RAB23: variants seen among roughly 807,000 people sequenced by gnomAD.
RAB23 encodes RAB23, member RAS oncogene family.
In RAB23, 15 loss-of-function variants were observed where a neutral mutation model predicts 30.0. That is an observed-to-expected ratio of 0.50 (90% confidence interval 0.33 to 0.77). The LOEUF (loss-of-function observed/expected upper bound fraction) is 0.77. Among genes scored for constraint, RAB23 ranks in the 30% least tolerant of loss-of-function variants. The pLI is 0.02. For missense variants in RAB23, 243 were observed against 275.4 expected (o/e 0.88, Z 0.83); for synonymous variants, 93 against 94.0 (o/e 0.99, Z 0.06).
Position 57,199,861 on chromosome 6 carries a change from C to A in RAB23, c.242-3255G>T, listed in dbSNP as rs16888387. ...TATAATAATTCTGACAAATGTTGGA[C>A]AACCACTTGTTTCCATTTCCCCTAA... is the stretch of plus-strand genomic sequence containing the variant. On this transcript the variant is annotated intron_variant, in intron 3 of 6. Transcript: ENST00000468148. Among the ~76,000 whole-genome samples, 866 of 152,294 alleles carry A rather than the reference C, an allele frequency of 5.7e-3. 19 individuals carry two copies. The East Asian group carries it at 0.071, about 12-fold the overall frequency.
At chr6:57,219,963 ACT>A (rs1165793301) in intron 1 of RAB23, among the ~76,000 whole-genome samples, 1 of 152,240 alleles carries the variant, frequency 6.6e-6, no homozygotes, top group Non-Finnish European at 1.5e-5. Context: ...TCTGAAAGAC[ACT>A]GTTAGAATGA....
intron 1 of RAB23, among the ~76,000 whole-genome samples, chr6:57,213,517 T>C (rs1765731454): frequency 6.6e-6 from 1 of 152,186 alleles, no homozygotes; most frequent in Non-Finnish European, 1.5e-5. Flanking sequence ...CCAAGAAGAC[T>C]GTTATGTTCA....
intron 1 of RAB23, among the ~76,000 whole-genome samples, chr6:57,217,284 A>ACACCCCTT (rs1254379819): frequency 2.6e-5 from 4 of 151,844 alleles, no homozygotes; most frequent in Non-Finnish European, 5.9e-5. Context: ...CAGCTAAATT[A>ACACCCCTT]GTGCTGAAAT....
chr6:57,208,822 A>C (rs186330437), intron 2 of RAB23, among the ~76,000 whole-genome samples: 1 of 152,256 alleles, frequency 6.6e-6, no homozygotes, highest in East Asian at 1.9e-4. Context: ...TAGGTTTTTG[A>C]GAACCCCTGG....
intron 3 of RAB23, among the ~76,000 whole-genome samples, chr6:57,205,220 G>A (rs2128001717): frequency 6.6e-6 from 1 of 151,314 alleles, no homozygotes; most frequent in Middle Eastern, 3.4e-3. Context: ...TTAAGTGTGT[G>A]TATATATGTG....
chr6:57,188,837 C>G lies in RAB23; in HGVS notation c.*1624G>C, dbSNP rs1035030656. On this transcript the variant is annotated 3_prime_UTR_variant, in exon 7 of 7. Coordinates refer to ENST00000468148, the MANE Select transcript of RAB23 (RefSeq NM_016277.5). ...TCTAAAATGGCAAAGAGAACATTTA[C>G]TTTTGATCACTTAACAAGGACACAC... 2.6e-5 allele frequency: 4 copies of G among 151,976 alleles called. No homozygotes were observed. Among genetic ancestry groups the G allele is most frequent in the African/African-American group, 9.7e-5 (4 of 41,376 alleles). 9.4% of individuals were successfully genotyped at this position (151,976 alleles called of 1,614,324 possible). A position where few individuals can be genotyped will look rare whatever the true frequency, so the allele number is the denominator to read the frequency against.
Position 57,222,088 on chromosome 6 carries a change from C to T in RAB23, c.-428G>A, listed in dbSNP as rs1467721539. 1 of 152,434 alleles carries T rather than the reference C, an allele frequency of 6.6e-6. No individual in the cohort carries two copies. The highest frequency in any genetic ancestry group is 1.5e-5 in the Non-Finnish European group (1 of 68,232). 9.4% of individuals were successfully genotyped at this position (152,434 alleles called of 1,614,324 possible). ...GCTCCTCCTGGTCGCGGCGCAACCGCTGCCGCCGCTGTCTCCTCCCGACGC... is the reference window on the plus strand; with the variant it reads ...GCTCCTCCTGGTCGCGGCGCAACCGTTGCCGCCGCTGTCTCCTCCCGACGC... On this transcript the variant is annotated 5_prime_UTR_variant, in exon 1 of 7. Transcript: ENST00000468148.
At chr6:57,198,708 C>A (rs1158853608) in intron 3 of RAB23, among the ~76,000 whole-genome samples, 1 of 151,596 alleles carries the variant, frequency 6.6e-6, no homozygotes, top group African/African-American at 2.4e-5. Context: ...TGTTCTTTAT[C>A]ATAAAACTCA....
intron 6 of RAB23, among the ~76,000 whole-genome samples, chr6:57,191,149 CTTGT>C (rs1764824800): frequency 1.3e-5 from 2 of 152,050 alleles, no homozygotes; most frequent in East Asian, 1.9e-4. Flanking sequence ...TTTTAAAGCT[CTTGT>C]TTTAGTTTTA....
intron 3 of RAB23, among the ~76,000 whole-genome samples, chr6:57,198,923 T>TA (rs1339600169): frequency 3.3e-5 from 5 of 152,130 alleles, no homozygotes; most frequent in African/African-American, 1.2e-4. Flanking sequence ...CAACATTATT[T>TA]AAAAAATCAA....
At chr6:57,211,277 C>A (rs190312717) in intron 1 of RAB23, among the ~76,000 whole-genome samples, 1 of 151,830 alleles carries the variant, frequency 6.6e-6, no homozygotes, top group Non-Finnish European at 1.5e-5. Context: ...ATATAGAGAC[C>A]CAGTTGCCAC....
At chr6:57,212,760 G>A (rs980090268) in intron 1 of RAB23, among the ~76,000 whole-genome samples, 1 of 151,720 alleles carries the variant, frequency 6.6e-6, no homozygotes, top group Non-Finnish European at 1.5e-5. Flanking sequence ...GGTGGCGTGA[G>A]CCTGTAGTCC....
chr6:57,216,849 T>TTGTCAC (rs1765860418), intron 1 of RAB23, among the ~76,000 whole-genome samples: 1 of 135,068 alleles, frequency 7.4e-6, no homozygotes, highest in Admixed American at 7.4e-5. Context: ...CATTTATAAA[T>TTGTCAC]TGTCACGGTG....
chr6:57,220,825 C>A (rs1401170334), intron 1 of RAB23, among the ~76,000 whole-genome samples: 1 of 151,212 alleles, frequency 6.6e-6, no homozygotes, highest in Non-Finnish European at 1.5e-5. Flanking sequence ...CAGAACTGTA[C>A]ATCGAAAAAA....
Position 57,210,415 on chromosome 6 carries a change from A to C in RAB23, c.-35T>G. 6.3e-7 allele frequency: 1 copy of C among 1,597,854 alleles called. No homozygotes were observed. The highest frequency in any genetic ancestry group is 8.6e-7 in the Non-Finnish European group (1 of 1,165,808). On this transcript the variant is annotated 5_prime_UTR_variant, in exon 2 of 7. Transcript: ENST00000468148. ...TGAAATGGTTTCTGTACCAACTCTA[A>C]TTCTAGGAGATCAGATCTTCCCTCT... is the stretch of plus-strand genomic sequence containing the variant.
intron 5 of RAB23, 87 bp from the exon 6 acceptor site, chr6:57,194,021 T>C: frequency 3.3e-6 from 5 of 1,514,412 alleles, no homozygotes; most frequent in Non-Finnish European, 4.4e-6. Flanking sequence ...TATTTATACT[T>C]ACTAAACAAA....
At chr6:57,220,444 T>C (rs956411775) in intron 1 of RAB23, among the ~76,000 whole-genome samples, 8 of 152,214 alleles carry the variant, frequency 5.3e-5, no homozygotes, top group Non-Finnish European at 1.2e-4. Context: ...CAAAAACCTG[T>C]ACATGGTATT....
At chr6:57,191,200 G>A (rs978309027) in intron 6 of RAB23, among the ~76,000 whole-genome samples, 3 of 152,116 alleles carry the variant, frequency 2.0e-5, no homozygotes, top group Admixed American at 2.0e-4. Context: ...AAAGTTCCAA[G>A]GCTGTAAAAG....
chr6:57,212,553 A>G (rs1765694054), intron 1 of RAB23, among the ~76,000 whole-genome samples: 1 of 152,036 alleles, frequency 6.6e-6, no homozygotes, highest in Non-Finnish European at 1.5e-5. Context: ...GTGATTCTCA[A>G]TTTTGGCTAT....
Sources: allele counts gnomAD v4.1 joint callset (sites outside exome capture counted in the v4.1 genomes callset), GRCh38; gene constraint gnomAD v4.1.1; transcripts MANE v1.5; gene names NCBI Gene and HGNC (gene_info 2026-07-23, HGNC 2026-07-21).